The following POLR1B variants were observed in gnomAD, a reference collection of about 807,000 sequenced individuals.
The protein encoded by POLR1B is DNA-directed RNA polymerase I subunit RPA2.
A neutral mutation model predicts 105.8 loss-of-function variants in POLR1B; 30 were observed. The observed-to-expected ratio is 0.28, with a 90% confidence interval of 0.21 to 0.38. POLR1B has a LOEUF of 0.38. POLR1B is among the 10% of genes least tolerant of loss of function. The probability of loss-of-function intolerance (pLI) is 1.00; values close to 1 mark genes in which losing one functional copy is unlikely to be tolerated. For synonymous variants in POLR1B, 485 were observed against 505.1 expected (o/e 0.96, Z 0.53); for missense variants, 976 against 1,435.8 (o/e 0.68, Z 5.17).
intron 10 of POLR1B, among the ~76,000 whole-genome samples, chr2:112,565,518 T>C (rs937100597): frequency 6.6e-6 from 1 of 152,172 alleles, no homozygotes; most frequent in Admixed American, 6.6e-5. Flanking sequence ...GATACTCAGA[T>C]TCCACCAGCT....
At chr2:112,542,370 C>G (rs753001601), upstream of POLR1B, 4 of 1,593,894 alleles carry the variant, frequency 2.5e-6, no homozygotes, top group Admixed American at 1.7e-5. Flanking sequence ...GCGGGTGGAA[C>G]GAGAGGGAAC....
At chr2:112,564,939 C>T (rs1370809937) in intron 10 of POLR1B, among the ~76,000 whole-genome samples, 1 of 152,146 alleles carries the variant, frequency 6.6e-6, no homozygotes. Flanking sequence ...TTTGGGATTT[C>T]CTCCTAGTGA....
At position 112,577,174 on chromosome 2, in the gene POLR1B, T is replaced by C. The variant is rs953988944; in HGVS notation, c.*1445T>C. On this transcript the variant is annotated 3_prime_UTR_variant, in exon 15 of 15. Transcript: ENST00000263331. ...TGAAAGCTTTCCTAAGGTAATTCTT[T>C]CCTGAGTTTGGTTCAGATGGTCTGT... The C allele has an allele frequency of 6.6e-6, 1 of 152,244 alleles. No homozygotes were observed. Among genetic ancestry groups the C allele is most frequent in the African/African-American group, 2.4e-5 (1 of 41,464 alleles). 9.4% of individuals were successfully genotyped at this position (152,244 alleles called of 1,614,324 possible).
Position 112,547,042 on chromosome 2 carries a change from G to A in POLR1B, c.208G>A (p.Asp70Asn). The A allele has an allele frequency of 5.6e-6, 9 of 1,614,166 alleles. No homozygotes were observed. The highest frequency in any genetic ancestry group is 7.6e-6 in the Non-Finnish European group (9 of 1,180,030). ...AIPPFEFAFK[D>N]ERISFTILDA... ...ACCTCCCTTTGAATTTGCTTTCAAA[G>A]ATGAGCGTATCTCTTTTACTATTCT... The change falls in exon 2 of 15, where the codon GAT (aspartate) becomes AAT (asparagine). Residue 70 changes from aspartate (D) to asparagine (N), a missense_variant. This residue lies in a region of POLR1B where 452 missense variants were observed against 616.5 expected (regional missense o/e 0.73). Transcript: ENST00000263331.
Position 112,568,018 on chromosome 2 carries a change from A to G in POLR1B, c.1798A>G (p.Met600Val). 6.2e-7 allele frequency: 1 copy of G among 1,614,150 alleles called. No homozygotes were observed. The change falls in exon 11 of 15, where the codon ATG (methionine) becomes GTG (valine). Residue 600 changes from methionine (M) to valine (V), a missense_variant. Physicochemically the swap from Met to Val is conservative, Grantham distance 21 (BLOSUM62 1). Around this residue, in one of 12 missense-constraint regions of POLR1B, gnomAD observed 184 missense variants for 197.4 expected, o/e 0.93. Coordinates refer to ENST00000263331, the MANE Select transcript of POLR1B (RefSeq NM_019014.6). The part of the protein sequence containing the change: ...PPWMEVVLIP[M>V]TGKPSLYPGL... ...CTGGATGGAAGTGGTCCTTATACCCATGACAGGAAAACCAAGTCTGTACCC... is the reference window on the plus strand; with the variant it reads ...CTGGATGGAAGTGGTCCTTATACCCGTGACAGGAAAACCAAGTCTGTACCC...
Position 112,555,011 on chromosome 2 carries a change from T to C in POLR1B, c.1158+2195T>C, listed in dbSNP as rs191914988. Among the ~76,000 whole-genome samples, 618 of 152,264 alleles carry C rather than the reference T, an allele frequency of 4.1e-3. 4 individuals are homozygous for C. The highest frequency in any genetic ancestry group is 0.01 in the Middle Eastern group (3 of 292). On this transcript the variant is annotated intron_variant, in intron 7 of 14. Transcript: ENST00000263331. ...GCCTGGGCAACATTGCAAAACCCTG[T>C]CTCTACAAAAAATATAAAAATTAGC... is the stretch of plus-strand genomic sequence containing the variant.
chr2:112,546,553 T>TTC (rs1683057254), intron 1 of POLR1B, among the ~76,000 whole-genome samples: 1 of 106,756 alleles, frequency 9.4e-6, no homozygotes, highest in African/African-American at 4.1e-5. Context: ...GCTTTTTTTT[T>TTC]TTTTTTTTTT....
chr2:112,547,610 G>A (rs768739569), intron 3 of POLR1B, 43 bp downstream of exon 3: 2 of 1,584,892 alleles, frequency 1.3e-6, no homozygotes, highest in African/African-American at 2.7e-5. Context: ...AGAAGGCCTG[G>A]GTTGGGAGTA....
chr2:112,576,178 G>C lies in POLR1B; in HGVS notation c.*449G>C, dbSNP rs1366866424. On this transcript the variant is annotated 3_prime_UTR_variant, in exon 15 of 15. Transcript: ENST00000263331. Reference sequence around the variant, plus strand: ...CAAACAGGTACAGTGTTTTTTACCAGCTTTATAGAAGTACAGTTGTTACAT... The same window carrying C: ...CAAACAGGTACAGTGTTTTTTACCACCTTTATAGAAGTACAGTTGTTACAT... 1.2e-5 allele frequency: 2 copies of C among 160,624 alleles called. No homozygotes were observed. Among genetic ancestry groups the C allele is most frequent in the African/African-American group, 4.8e-5 (2 of 41,488 alleles). The allele number at this position is 160,624 out of a possible 1,614,324, so 9.9% of individuals were successfully genotyped here.
Position 112,552,625 on chromosome 2 carries a change from T to C in POLR1B, c.987-20T>C, listed in dbSNP as rs757716373. The C allele has an allele frequency of 6.5e-7, 1 of 1,538,088 alleles. No individual in the cohort carries two copies. The highest frequency in any genetic ancestry group is 8.7e-7 in the Non-Finnish European group (1 of 1,144,182). On this transcript the variant is annotated intron_variant, in intron 6 of 14. Transcript: ENST00000263331. ...ACCAACTGAATTGTTTTAAGCTTTT[T>C]TTTTTTTCTGTTTTCACAGCCAGTG...
chr2:112,560,728 C>G (rs529966400), intron 9 of POLR1B, among the ~76,000 whole-genome samples: 1 of 152,170 alleles, frequency 6.6e-6, no homozygotes, highest in African/African-American at 2.4e-5. Context: ...AGGGCATTGA[C>G]TCAAGAAAGT....
chr2:112,549,172 C>T (rs949688550), intron 3 of POLR1B, 95 bp from the exon 4 acceptor site: 3 of 1,354,066 alleles, frequency 2.2e-6, no homozygotes, highest in Non-Finnish European at 3.1e-6. Flanking sequence ...TGTTCCTATT[C>T]TGTGTGTTGT....
intron 3 of POLR1B, 145 bp downstream of exon 3, chr2:112,547,712 TG>T: frequency 1.3e-6 from 1 of 797,634 alleles, no homozygotes. Flanking sequence ...ATACAGTGTA[TG>T]GCTCTGAATA....
chr2:112,549,736 A>C (rs1452006959), intron 4 of POLR1B, among the ~76,000 whole-genome samples: 1 of 152,192 alleles, frequency 6.6e-6, no homozygotes, highest in Non-Finnish European at 1.5e-5. Context: ...CAGAGGATAC[A>C]GACTTGCAGT....
At chr2:112,563,124 G>A (rs1339839875) in intron 9 of POLR1B, among the ~76,000 whole-genome samples, 6 of 148,622 alleles carry the variant, frequency 4.0e-5, no homozygotes, top group Non-Finnish European at 8.9e-5. Context: ...GCGTGATCTC[G>A]GCTCACTGTA....
rs776883971 is a variant in POLR1B, at chr2:112,568,917, T to C, written c.2074+15T>C. 4.3e-6 allele frequency: 7 copies of C among 1,611,558 alleles called. No individual in the cohort carries two copies. In the Admixed American group the frequency reaches 1.2e-4, roughly 27 times the overall value. ...ATGCCAGATGGGTAAGGAAGAGGGATGATGTTACAGTCACAATCAGGAAAG... is the reference window on the plus strand; with the variant it reads ...ATGCCAGATGGGTAAGGAAGAGGGACGATGTTACAGTCACAATCAGGAAAG... On this transcript the variant is annotated intron_variant, in intron 12 of 14. Transcript: ENST00000263331.
At chr2:112,554,296 C>T (rs767318753) in intron 7 of POLR1B, among the ~76,000 whole-genome samples, 2 of 148,234 alleles carry the variant, frequency 1.3e-5, no homozygotes, top group Non-Finnish European at 3.0e-5. Flanking sequence ...CCATGCCCGG[C>T]GAATTTTTTT....
At chr2:112,556,513 A>G (rs1683670474) in intron 7 of POLR1B, among the ~76,000 whole-genome samples, 1 of 152,254 alleles carries the variant, frequency 6.6e-6, no homozygotes, top group Non-Finnish European at 1.5e-5. Flanking sequence ...GTGCCAGAGA[A>G]TATGCAGAAA....
chr2:112,562,986 C>T (rs1217099465), intron 9 of POLR1B, among the ~76,000 whole-genome samples: 1 of 151,514 alleles, frequency 6.6e-6, no homozygotes, highest in East Asian at 1.9e-4. Flanking sequence ...GCCTCGGCCT[C>T]CCAAAGTGCT....
Sources: allele counts gnomAD v4.1 joint callset (sites outside exome capture counted in the v4.1 genomes callset), GRCh38; gene constraint gnomAD v4.1.1; regional missense constraint gnomAD v4.1.1; transcripts MANE v1.5; gene names NCBI Gene and HGNC (gene_info 2026-07-23, HGNC 2026-07-21).